The following OR14A2 variants were observed in gnomAD, a reference collection of about 807,000 sequenced individuals.
OR14A2 encodes the protein olfactory receptor family 14 subfamily A member 2, also known as olfactory receptor 14A2.
For synonymous variants in OR14A2, 114 were observed against 58.6 expected (o/e 1.95, Z -4.32); for missense variants, 237 against 152.9 (o/e 1.55, Z -2.90).
chr1:247,724,132 C>G, upstream of OR14A2: 1 of 594,144 alleles, frequency 1.7e-6, no homozygotes, highest in Non-Finnish European at 3.0e-6. Flanking sequence ...TCTATACAGA[C>G]TAGCAAGAGT....
chr1:247,732,581 T>C, the OR14A2 span, among the ~76,000 whole-genome samples: 1 of 152,172 alleles, frequency 6.6e-6, no homozygotes, highest in Non-Finnish European at 1.5e-5. Context: ...CCAAATGACC[T>C]AGTGATTTGG....
At chr1:247,745,226 C>T in the OR14A2 span, among the ~76,000 whole-genome samples, 2 of 151,834 alleles carry the variant, frequency 1.3e-5, no homozygotes, top group African/African-American at 4.8e-5. Flanking sequence ...GTAATTATCA[C>T]CTATGAAATG....
chr1:247,736,596 C>A, the OR14A2 span, among the ~76,000 whole-genome samples: 1 of 152,148 alleles, frequency 6.6e-6, no homozygotes. Flanking sequence ...GGATAAAAAT[C>A]TAGCATTGGA....
the OR14A2 span, among the ~76,000 whole-genome samples, chr1:247,743,767 A>G: frequency 1.3e-5 from 2 of 151,990 alleles, no homozygotes; most frequent in Non-Finnish European, 2.9e-5. Context: ...TGTACCTTAG[A>G]GTCTATCTTT....
chr1:247,725,415 G>C (rs1265281344), upstream of OR14A2, among the ~76,000 whole-genome samples: 3 of 151,880 alleles, frequency 2.0e-5, no homozygotes, highest in East Asian at 5.8e-4. Flanking sequence ...ACACAAGGAA[G>C]GACAAAAGGG....
the OR14A2 span, chr1:247,739,228 C>A: frequency 6.4e-6 from 5 of 780,728 alleles, no homozygotes; most frequent in Non-Finnish European, 9.6e-6. Flanking sequence ...GTCTGTTATG[C>A]ATTTTCATGT....
At chr1:247,739,182 G>T in the OR14A2 span, 1 of 780,812 alleles carries the variant, frequency 1.3e-6, no homozygotes, top group Middle Eastern at 2.3e-4. Flanking sequence ...TTGTTCTAAA[G>T]AACATGCCAT....
At chr1:247,733,531 C>A in the OR14A2 span, among the ~76,000 whole-genome samples, 12 of 152,302 alleles carry the variant, frequency 7.9e-5, no homozygotes, top group South Asian at 2.3e-3. Context: ...CCTGTCCTTT[C>A]TAGCCTTCCT....
the OR14A2 span, among the ~76,000 whole-genome samples, chr1:247,737,342 T>G: frequency 6.6e-6 from 1 of 152,090 alleles, no homozygotes; most frequent in East Asian, 1.9e-4. Flanking sequence ...TGAGACTCTC[T>G]TGTGTCTACA....
upstream of OR14A2, among the ~76,000 whole-genome samples, chr1:247,725,475 A>G (rs1029295433): frequency 1.3e-5 from 2 of 151,252 alleles, no homozygotes; most frequent in African/African-American, 4.9e-5. Flanking sequence ...TTTCCTTAAT[A>G]TCTACAAGAT....
the OR14A2 span, chr1:247,739,528 A>C: frequency 1.3e-6 from 1 of 780,310 alleles, no homozygotes; most frequent in Non-Finnish European, 2.4e-6. Context: ...GTCCTGTGGA[A>C]TGTTAGAAGC....
At chr1:247,733,817 G>GA in the OR14A2 span, among the ~76,000 whole-genome samples, 3 of 151,886 alleles carry the variant, frequency 2.0e-5, no homozygotes. Context: ...CCCAAGCAGT[G>GA]AAAAAAGGTA....
the OR14A2 span, chr1:247,746,071 A>G: frequency 6.6e-6 from 1 of 152,236 alleles, no homozygotes; most frequent in Admixed American, 6.5e-5. Context: ...GATTGTGTAC[A>G]TGATCATCTC....
chr1:247,726,376 GTTGT>G (rs1273697998), upstream of OR14A2, among the ~76,000 whole-genome samples: 11 of 139,764 alleles, frequency 7.9e-5, no homozygotes, highest in Non-Finnish European at 1.4e-4. Context: ...TTTTGATGGG[GTTGT>G]TTGTTTTTTT....
At chr1:247,732,009 G>A in the OR14A2 span, among the ~76,000 whole-genome samples, 1 of 152,006 alleles carries the variant, frequency 6.6e-6, no homozygotes, top group Non-Finnish European at 1.5e-5. Flanking sequence ...ATATTAACAA[G>A]CCATTTCTTC....
chr1:247,746,240 T>C, the OR14A2 span: 1 of 152,200 alleles, frequency 6.6e-6, no homozygotes, highest in Non-Finnish European at 1.5e-5. Context: ...CTCAGAAGAG[T>C]CATTGTGAAT....
chr1:247,734,761 TGAA>T, the OR14A2 span, among the ~76,000 whole-genome samples: 40 of 152,318 alleles, frequency 2.6e-4, no homozygotes, highest in African/African-American at 8.7e-4. Flanking sequence ...CATAAAATGA[TGAA>T]GAAGAAGGTC....
the OR14A2 span, chr1:247,746,061 G>C: frequency 1.3e-5 from 2 of 152,184 alleles, no homozygotes; most frequent in African/African-American, 4.8e-5. Flanking sequence ...GTCTGGACAA[G>C]ATTGTGTACA....
chr1:247,728,063 A>C (rs1660422811), upstream of OR14A2, among the ~76,000 whole-genome samples: 1 of 147,636 alleles, frequency 6.8e-6, no homozygotes, highest in Non-Finnish European at 1.5e-5. Context: ...ATCCTCCCTA[A>C]CTCATTTTAT....
Sources: allele counts gnomAD v4.1 joint callset (sites outside exome capture counted in the v4.1 genomes callset), GRCh38; gene constraint gnomAD v4.1.1; transcripts MANE v1.5; gene names NCBI Gene and HGNC (gene_info 2026-07-23, HGNC 2026-07-21).